XYLB: variants seen among roughly 807,000 people sequenced by gnomAD.
The protein encoded by XYLB is xylulokinase, also known as xylulose kinase.
XYLB carries 62 observed loss-of-function variants against 78.7 expected under a neutral mutation model. The observed-to-expected ratio is 0.79, with a 90% CI of 0.64 to 0.97. XYLB has a LOEUF of 0.97. XYLB is among the 50% of genes least tolerant of loss of function. The pLI is 0.00. For synonymous variants in XYLB, 245 were observed against 247.4 expected, an observed-to-expected ratio of 0.99 and a Z score of 0.09; for missense variants, 687 against 676.8, an observed-to-expected ratio of 1.02 and a Z score of -0.17.
In XYLB at chr3:38,379,259, C is replaced by T. The variant is rs1707024827; in HGVS notation, c.1208C>T (p.Pro403Leu). ...TCCTGGAGACAGGTTGCAGCATTCC[C>T]TGGGGATGTGGAGGTTCGAGCACTA... Reference protein sequence around the residue: ...NTENHKVAAFPGDVEVRALIE... With the variant: ...NTENHKVAAFLGDVEVRALIE... The change falls in exon 15 of 19, where the codon CCT becomes CTT. Residue 403 changes from proline to leucine, a missense_variant. Transcript: ENST00000207870. 1.9e-6 allele frequency: 3 copies of T among 1,614,102 alleles called. No individual in the cohort carries two copies. Among genetic ancestry groups the T allele is most frequent in the Non-Finnish European group, 2.5e-6 (3 of 1,180,018 alleles).
At position 38,365,527 on chromosome 3, in the gene XYLB, G is replaced by A. The variant is rs958574366; in HGVS notation, c.379-81G>A. 3 of 1,545,316 alleles carry A rather than the reference G, an allele frequency of 1.9e-6. No homozygotes were observed. In the African/African-American group the frequency reaches 4.1e-5, roughly 21 times the overall value. On this transcript the variant is annotated intron_variant, in intron 5 of 18. Coordinates refer to ENST00000207870, the MANE Select transcript of XYLB (RefSeq NM_005108.4). ...AAGAAGCGTCATGACTGCCGTGATG[G>A]GCAGTGTGACCGCCAGCCCTGGGGC...
downstream of XYLB, among the ~76,000 whole-genome samples, chr3:38,418,048 A>G (rs1260047356): frequency 6.6e-6 from 1 of 151,556 alleles, no homozygotes; most frequent in Non-Finnish European, 1.5e-5. Context: ...AAAAAAAATT[A>G]GGCAGGCGTG....
chr3:38,406,248 G>A (rs554914555), intron 18 of XYLB, among the ~76,000 whole-genome samples: 1 of 152,354 alleles, frequency 6.6e-6, no homozygotes, highest in East Asian at 1.9e-4. Context: ...CTGTTCTGCA[G>A]CCACCACTGC....
At chr3:38,433,063 G>A in the XYLB span, among the ~76,000 whole-genome samples, 1 of 152,234 alleles carries the variant, frequency 6.6e-6, no homozygotes, top group Admixed American at 6.5e-5. Context: ...ACTTCTGCCT[G>A]GACATCCATG....
At chr3:38,352,918 A>T (rs1027829354) in intron 2 of XYLB, among the ~76,000 whole-genome samples, 1 of 152,168 alleles carries the variant, frequency 6.6e-6, no homozygotes, top group Non-Finnish European at 1.5e-5. Context: ...TTTCACTGTT[A>T]TATGGGGTTT....
chr3:38,404,594 A>G (rs1708238466), intron 18 of XYLB, among the ~76,000 whole-genome samples: 1 of 152,180 alleles, frequency 6.6e-6, no homozygotes, highest in African/African-American at 2.4e-5. Context: ...AGGCGGATGG[A>G]TCACATGAGG....
Position 38,410,572 on chromosome 3 carries a change from G to A in XYLB, c.1534-2364G>A, listed in dbSNP as rs573987867. The stretch of plus-strand genomic sequence containing the variant: ...ACTAAAGAGCTTCTGCACAGCAAAC[G>A]AAACTACCATCAGAGCGAACAGGTA... On this transcript the variant is annotated intron_variant, in intron 18 of 18. Coordinates refer to ENST00000207870, the MANE Select transcript of XYLB (RefSeq NM_005108.4). 2.1e-4 allele frequency among the ~76,000 whole-genome samples: 32 copies of A among 152,162 alleles called. 1 individual carries two copies. Among genetic ancestry groups the A allele is most frequent in the African/African-American group, 5.6e-4 (23 of 41,424 alleles).
downstream of XYLB, among the ~76,000 whole-genome samples, chr3:38,417,748 T>G (rs977667721): frequency 1.1e-4 from 16 of 151,366 alleles, no homozygotes; most frequent in Non-Finnish European, 2.1e-4. Flanking sequence ...GGCATGGTGG[T>G]GCATGCCTGT....
chr3:38,385,031 C>T (rs1424358256), intron 15 of XYLB, among the ~76,000 whole-genome samples: 2 of 152,070 alleles, frequency 1.3e-5, no homozygotes, highest in African/African-American at 4.8e-5. Context: ...GACAGAGTCT[C>T]ACTCTGTCAC....
intron 7 of XYLB, 129 bp downstream of exon 7, chr3:38,367,002 A>G (rs1386116381): frequency 1.2e-5 from 8 of 659,826 alleles, no homozygotes; most frequent in African/African-American, 1.8e-5. Context: ...GATATATTTG[A>G]TTTGCTTTTT....
the XYLB span, chr3:38,451,780 G>A: frequency 6.6e-6 from 1 of 152,356 alleles, no homozygotes; most frequent in East Asian, 1.9e-4. Context: ...GGGAAAATGA[G>A]GACTTCTGCT....
At chr3:38,399,909 A>G (rs1196482993) in intron 17 of XYLB, among the ~76,000 whole-genome samples, 1 of 152,178 alleles carries the variant, frequency 6.6e-6, no homozygotes, top group Non-Finnish European at 1.5e-5. Context: ...GTCTGCGAGT[A>G]TGAGTGGAGA....
intron 5 of XYLB, 97 bp from the exon 6 acceptor site, chr3:38,365,511 C>A: frequency 6.5e-7 from 1 of 1,532,706 alleles, no homozygotes; most frequent in Non-Finnish European, 8.8e-7. Context: ...GAAGAAGCGT[C>A]ATGACTGCCG....
At chr3:38,378,774 C>G (rs1043783790) in intron 14 of XYLB, among the ~76,000 whole-genome samples, 6 of 150,188 alleles carry the variant, frequency 4.0e-5, no homozygotes, top group Non-Finnish European at 5.9e-5. Flanking sequence ...GCTTGAAGGA[C>G]ATGCCACAGG....
chr3:38,350,873 G>A (rs1243381322), intron 2 of XYLB, among the ~76,000 whole-genome samples: 3 of 151,920 alleles, frequency 2.0e-5, no homozygotes, highest in Non-Finnish European at 4.4e-5. Flanking sequence ...TGGGTACAGT[G>A]GCTCACACCT....
At chr3:38,400,462 C>G (rs1456390623) in intron 17 of XYLB, among the ~76,000 whole-genome samples, 1 of 152,018 alleles carries the variant, frequency 6.6e-6, no homozygotes, top group Non-Finnish European at 1.5e-5. Context: ...AAAGAACATT[C>G]CATACAGTGA....
chr3:38,366,876 T>TTGATTAAATGAACATTTAATCAAACA lies in XYLB; in HGVS notation c.573+3_573+4insTGATTAAATGAACATTTAATCAAACA. 1 of 1,600,546 alleles carries TTGATTAAATGAACATTTAATCAAACA rather than the reference T, an allele frequency of 6.2e-7. No individual in the cohort carries two copies. The highest frequency in any genetic ancestry group is 1.7e-5 in the Admixed American group (1 of 59,596). ...CCGAGGCCTACTCACATACGGAGGTTGGTTAAATGTTCCTGTTTGATTGAA... is the reference window on the plus strand; with the variant it reads ...CCGAGGCCTACTCACATACGGAGGTTTGATTAAATGAACATTTAATCAAACAGGTTAAATGTTCCTGTTTGATTGAA... On this transcript the variant is annotated splice_donor_region_variant and intron_variant, in intron 7 of 18. Transcript: ENST00000207870.
chr3:38,405,067 G>A (rs149131233), intron 18 of XYLB, among the ~76,000 whole-genome samples: 158 of 152,178 alleles, frequency 1.0e-3, no homozygotes, highest in Admixed American at 1.4e-3. Context: ...AGAATGTGGG[G>A]TTGTGTTTCT....
chr3:38,359,045 G>A (rs1036616171), intron 2 of XYLB, among the ~76,000 whole-genome samples: 1 of 152,234 alleles, frequency 6.6e-6, no homozygotes, highest in African/African-American at 2.4e-5. Context: ...AAAGTGCAGT[G>A]TGGGAATCGG....
Sources: gnomAD v4.1 joint callset for allele counts (sites outside exome capture counted in the v4.1 genomes callset) on GRCh38, gnomAD v4.1.1 for gene constraint, MANE v1.5 for transcripts, NCBI Gene and HGNC (gene_info 2026-07-23, HGNC 2026-07-21) for gene names.